The following LCORL variants were observed in gnomAD, a reference collection of about 807,000 sequenced individuals.
The protein encoded by LCORL is ligand-dependent nuclear receptor corepressor-like protein.
A neutral mutation model predicts 141.8 loss-of-function variants in LCORL; 41 were observed. The ratio of observed to expected loss-of-function variants is 0.29; its 90% CI spans 0.23 to 0.38. LCORL has a LOEUF of 0.38. Among genes scored for constraint, LCORL ranks in the 10% least tolerant of loss-of-function variants. The pLI is 1.00. For missense variants in LCORL, 1,759 were observed against 2,035.0 expected (o/e 0.86, Z 2.61); for synonymous variants, 618 against 694.1 (o/e 0.89, Z 1.72).
At chr4:17,925,878 CAAAAAAAAAAAA>C (rs71167343) in intron 4 of LCORL, among the ~76,000 whole-genome samples, 55,399 of 97,810 alleles carry the variant, frequency 0.57, 13,457 homozygotes, top group Non-Finnish European at 0.64. Context: ...GATTCCATCT[CAAAAAAAAAAAA>C]AAAAAAAAAA....
chr4:17,908,045 T>G (rs1451523305), intron 5 of LCORL, among the ~76,000 whole-genome samples: 1 of 152,190 alleles, frequency 6.6e-6, no homozygotes, highest in Admixed American at 6.5e-5. Context: ...CTTCTTTTTT[T>G]TTAAGAGACA....
intron 4 of LCORL, among the ~76,000 whole-genome samples, chr4:17,926,900 A>C (rs1390246923): frequency 6.6e-6 from 1 of 152,244 alleles, no homozygotes; most frequent in Non-Finnish European, 1.5e-5. Flanking sequence ...CACTGGCTTC[A>C]AGTTAAAGCC....
At chr4:17,919,776 C>T (rs1311286364) in intron 4 of LCORL, among the ~76,000 whole-genome samples, 2 of 152,170 alleles carry the variant, frequency 1.3e-5, no homozygotes, top group African/African-American at 4.8e-5. Context: ...ATCTCTCCTG[C>T]CCTCCTTTCA....
At chr4:17,960,394 G>A (rs1246510803) in intron 4 of LCORL, 2 of 154,178 alleles carry the variant, frequency 1.3e-5, no homozygotes, top group Non-Finnish European at 2.9e-5. Context: ...AAAATTAAAG[G>A]CTATTATTAT....
chr4:17,914,740 T>C (rs1469634549), intron 4 of LCORL, among the ~76,000 whole-genome samples: 2 of 152,224 alleles, frequency 1.3e-5, no homozygotes, highest in African/African-American at 2.4e-5. Context: ...CCTAGAAGAA[T>C]GTTGCCACCC....
chr4:17,904,925 A>T (rs1238494904), intron 5 of LCORL, among the ~76,000 whole-genome samples: 1 of 152,152 alleles, frequency 6.6e-6, no homozygotes, highest in African/African-American at 2.4e-5. Context: ...GCCTGGAATG[A>T]CACTGAATCT....
chr4:17,904,120 T>C (rs1023891477), intron 5 of LCORL, among the ~76,000 whole-genome samples: 1 of 152,022 alleles, frequency 6.6e-6, no homozygotes, highest in African/African-American at 2.4e-5. Context: ...TTGTCAAAGA[T>C]TTTTGGTAAA....
intron 1 of LCORL, among the ~76,000 whole-genome samples, chr4:18,018,918 T>C (rs1219701266): frequency 6.6e-6 from 1 of 152,156 alleles, no homozygotes; most frequent in African/African-American, 2.4e-5. Flanking sequence ...TGTATACACA[T>C]GCAAAGGGAA....
intron 2 of LCORL, among the ~76,000 whole-genome samples, chr4:17,964,058 C>T (rs1714377767): frequency 6.6e-6 from 1 of 151,946 alleles, no homozygotes; most frequent in African/African-American, 2.4e-5. Flanking sequence ...CTAGGACTCC[C>T]CTAAATCAAC....
intron 4 of LCORL, among the ~76,000 whole-genome samples, chr4:17,934,585 T>C (rs1408493071): frequency 1.3e-5 from 2 of 152,174 alleles, no homozygotes. Context: ...CCTTAATGAA[T>C]AATGTAATTG....
chr4:17,888,347 C>T (rs992038209), intron 5 of LCORL, among the ~76,000 whole-genome samples: 5 of 152,106 alleles, frequency 3.3e-5, no homozygotes, highest in African/African-American at 1.2e-4. Flanking sequence ...CCAGTTTACC[C>T]ATCCAGCTTA....
chr4:17,884,186 C>A lies in LCORL; in HGVS notation c.776+1882G>T, dbSNP rs763457238. The A allele has an allele frequency of 2.1e-5, 32 of 1,549,554 alleles. No individual in the cohort carries two copies. In the African/African-American group the frequency reaches 4.4e-4, roughly 21 times the overall value. On this transcript the variant is annotated intron_variant, in intron 6 of 7. Coordinates refer to ENST00000635767, the Ensembl canonical transcript of LCORL. This position sits in a 1 kb window ranked among gnomAD's most constrained non-coding sequence, Gnocchi z 4.4. ...ATTTTTCAGTTTTTGGAGAGCTGAT[C>A]CTTCTAGGACTGAAGAGGTTTTGGA...
At chr4:17,919,906 T>G (rs763804006) in intron 4 of LCORL, among the ~76,000 whole-genome samples, 7 of 152,194 alleles carry the variant, frequency 4.6e-5, no homozygotes, top group Admixed American at 6.5e-5. Context: ...GAAGCTTCCA[T>G]AAAAACCCAA....
At chr4:17,995,849 G>A (rs1720837379) in intron 1 of LCORL, among the ~76,000 whole-genome samples, 1 of 152,062 alleles carries the variant, frequency 6.6e-6, no homozygotes, top group African/African-American at 2.4e-5. Context: ...ACTCAGGTTG[G>A]AGTCCATGAT....
At chr4:17,924,916 A>G (rs1734879864) in intron 4 of LCORL, among the ~76,000 whole-genome samples, 1 of 152,192 alleles carries the variant, frequency 6.6e-6, no homozygotes, top group Admixed American at 6.5e-5. Context: ...AGCATTCAGT[A>G]TATGGTACTG....
chr4:17,880,418 A>G (rs1727408476), intron 6 of LCORL: 2 of 888,710 alleles, frequency 2.3e-6, no homozygotes, highest in African/African-American at 1.8e-5. Context: ...CTTTGCTTTT[A>G]AAGTTTTCTA....
chr4:17,977,420 G>T (rs1192048306), intron 1 of LCORL, among the ~76,000 whole-genome samples: 2 of 152,064 alleles, frequency 1.3e-5, no homozygotes, highest in Non-Finnish European at 2.9e-5. Context: ...TTGGTTAGTT[G>T]TGTTTTTCTT....
At chr4:17,851,698 G>A (rs996683659) in intron 7 of LCORL, among the ~76,000 whole-genome samples, 6 of 152,260 alleles carry the variant, frequency 3.9e-5, no homozygotes, top group African/African-American at 1.2e-4. Flanking sequence ...AGCTGACGAG[G>A]AGTAGAATAG....
At chr4:17,917,077 C>T (rs35811473) in intron 4 of LCORL, among the ~76,000 whole-genome samples, 4,484 of 152,106 alleles carry the variant, frequency 0.029, 95 homozygotes, top group African/African-American at 0.055. Flanking sequence ...TGGGTTCCAG[C>T]GATTCTCCTG....
Sources: allele counts gnomAD v4.1 joint callset (sites outside exome capture counted in the v4.1 genomes callset), GRCh38; gene constraint gnomAD v4.1.1; non-coding constraint Gnocchi (gnomAD v3.1); transcripts MANE v1.5; gene names NCBI Gene and HGNC (gene_info 2026-07-23, HGNC 2026-07-21).